CC2D1A: variants seen among roughly 807,000 people sequenced by gnomAD.
CC2D1A encodes the protein coiled-coil and C2 domain-containing protein 1A.
Under a neutral mutation model 123.8 loss-of-function variants are expected in CC2D1A, and 68 were observed. The ratio of observed to expected loss-of-function variants is 0.55; its 90% CI spans 0.45 to 0.67. CC2D1A has a LOEUF of 0.67. Ranked by LOEUF, CC2D1A falls within the 30% of genes least tolerant of loss-of-function variation. The probability of loss-of-function intolerance (pLI) is 0.00; values close to 1 mark genes in which losing one functional copy is unlikely to be tolerated. For synonymous variants in CC2D1A, 477 were observed against 528.0 expected, an observed-to-expected ratio of 0.90 and a Z score of 1.32; for missense variants, 1,185 against 1,290.3, an observed-to-expected ratio of 0.92 and a Z score of 1.25.
intron 17 of CC2D1A, 32 bp from the exon 18 acceptor site, chr19:13,926,485 C>T: frequency 6.2e-7 from 1 of 1,603,828 alleles, no homozygotes. Flanking sequence ...TGTTTCCCTG[C>T]CCACCTGCCT....
chr19:13,921,710 G>A (rs1488975877), intron 14 of CC2D1A, among the ~76,000 whole-genome samples: 1 of 152,148 alleles, frequency 6.6e-6, no homozygotes. Context: ...GTCTTTGCTG[G>A]ACACTGGAGA....
Position 13,930,757 on chromosome 19 carries a change from C to T in CC2D1A, c.*362C>T, listed in dbSNP as rs1184494192. 3 of 343,816 alleles carry T rather than the reference C, an allele frequency of 8.7e-6. No homozygotes were observed. The highest frequency in any genetic ancestry group is 1.1e-5 in the Non-Finnish European group (2 of 188,284). The allele number at this position is 343,816 out of a possible 1,614,324, so 21.3% of individuals were successfully genotyped here. On this transcript the variant is annotated 3_prime_UTR_variant, in exon 29 of 29. Transcript: ENST00000318003. This position sits in a 1 kb window ranked among gnomAD's most constrained non-coding sequence, Gnocchi z 6.8. ...CCTCCCCAGCCTTAACCCCAAAGCC[C>T]TCCTGCACCCCAAAGAAGCCACTGA...
chr19:13,920,854 C>T lies in CC2D1A; in HGVS notation c.1573C>T (p.Arg525Cys), dbSNP rs372880706. The T allele has an allele frequency of 1.9e-5, 31 of 1,614,014 alleles. No homozygotes were observed. The highest frequency in any genetic ancestry group is 8.3e-5 in the Admixed American group (5 of 59,996). The stretch of plus-strand genomic sequence containing the variant: ...CGTGGAGGGTGCCAAGATGCACCTG[C>T]GCCAAGCCAAGGGACTGGAGCCTAT... ...NDVEGAKMHLRQAKGLEPMLE... is the reference protein window; with the variant it reads ...NDVEGAKMHLCQAKGLEPMLE... The change falls in exon 14 of 29, where the codon CGC becomes TGC. Residue 525 changes from arginine (R) to cysteine (C), a missense_variant. Coordinates refer to ENST00000318003, the MANE Select transcript of CC2D1A (RefSeq NM_017721.5).
In CC2D1A at chr19:13,913,632, C is replaced by G. The variant is rs764603561; in HGVS notation, c.742C>G (p.Pro248Ala). The change falls in exon 6 of 29, where the codon CCC becomes GCC. Residue 248 changes from proline (P) to alanine (A), a missense_variant. Transcript: ENST00000318003. ...SSPGLAKPQM[P>A]PGPCSPGPLA... Reference sequence around the variant, plus strand: ...TCCAGGCTTGGCTAAGCCCCAGATGCCCCCAGGTAGGTGATGGGCAGGGCC... The same window carrying G: ...TCCAGGCTTGGCTAAGCCCCAGATGGCCCCAGGTAGGTGATGGGCAGGGCC... 1 of 1,601,970 alleles carries G rather than the reference C, an allele frequency of 6.2e-7. No homozygotes were observed. The highest frequency in any genetic ancestry group is 8.5e-7 in the Non-Finnish European group (1 of 1,172,756).
chr19:13,928,812 G>T (rs567193855), intron 24 of CC2D1A, among the ~76,000 whole-genome samples: 4 of 149,598 alleles, frequency 2.7e-5, no homozygotes, highest in Non-Finnish European at 4.4e-5. Flanking sequence ...GGGTTCAAGC[G>T]ATTCTCCTGC....
In CC2D1A at chr19:13,918,630, T is replaced by A. The variant is rs915049706; in HGVS notation, c.946+54T>A. The A allele has an allele frequency of 3.1e-6, 5 of 1,594,238 alleles. No individual in the cohort carries two copies. The African/African-American group carries it at 6.7e-5, about 21-fold the overall frequency. On this transcript the variant is annotated intron_variant, in intron 8 of 28. Transcript: ENST00000318003. ...GGATGGTTTCAGGCATACACTAAGT[T>A]CTCCTTGATGCTGCCACCCCTGTTG...
At chr19:13,922,434 C>T (rs1316378486) in intron 14 of CC2D1A, among the ~76,000 whole-genome samples, 3 of 152,210 alleles carry the variant, frequency 2.0e-5, no homozygotes, top group Non-Finnish European at 4.4e-5. Context: ...TTCCCACAGA[C>T]ACCTGTGTGG....
chr19:13,928,053 A>G (rs775800715), intron 23 of CC2D1A, 23 bp downstream of exon 23: 2 of 1,092,634 alleles, frequency 1.8e-6, no homozygotes, highest in South Asian at 2.8e-5. Flanking sequence ...ACCCCCACCC[A>G]TCAGCAACCC....
At position 13,920,783 on chromosome 19, in the gene CC2D1A, A is replaced by C; in HGVS notation, c.1502A>C (p.Lys501Thr). ...CAGCTGGCCTTCCTAGAGGGCCGCA[A>C]GAAGCAGCTCCTGCAGGCCGCACTG... is the stretch of plus-strand genomic sequence containing the variant. The part of the protein sequence containing the change: ...QQQLAFLEGR[K>T]KQLLQAALRA... The change falls in exon 14 of 29, where the codon AAG (lysine) becomes ACG (threonine). Residue 501 changes from lysine to threonine, a missense_variant. By Grantham distance (78) the Lys-to-Thr change is moderately conservative. Transcript: ENST00000318003. 1 of 1,613,990 alleles carries C rather than the reference A, an allele frequency of 6.2e-7. No individual in the cohort carries two copies. Among genetic ancestry groups the C allele is most frequent in the Non-Finnish European group, 8.5e-7 (1 of 1,179,896 alleles).
chr19:13,930,203 G>A lies in CC2D1A; in HGVS notation c.2788-39G>A. ...GGCACTGGGCAGCGGGCAGGGTGGGGCCTGCAGGGACTACCTGCTGAATGC... is the reference window on the plus strand; with the variant it reads ...GGCACTGGGCAGCGGGCAGGGTGGGACCTGCAGGGACTACCTGCTGAATGC... On this transcript the variant is annotated intron_variant, in intron 27 of 28. Transcript: ENST00000318003. The surrounding 1 kb of genome is among the most constrained non-coding windows in gnomAD (Gnocchi z 6.8). 1 of 1,613,214 alleles carries A rather than the reference G, an allele frequency of 6.2e-7. No individual in the cohort carries two copies. The highest frequency in any genetic ancestry group is 1.7e-4 in the Middle Eastern group (1 of 6,052).
intron 17 of CC2D1A, among the ~76,000 whole-genome samples, chr19:13,924,730 G>A (rs547766657): frequency 3.9e-5 from 6 of 152,100 alleles, no homozygotes; most frequent in Non-Finnish European, 7.4e-5. Context: ...AAATTCTGGG[G>A]TTACAGGAGT....
At chr19:13,916,813 C>T (rs1465164549) in intron 6 of CC2D1A, among the ~76,000 whole-genome samples, 1 of 152,110 alleles carries the variant, frequency 6.6e-6, no homozygotes, top group Non-Finnish European at 1.5e-5. Flanking sequence ...TACTGCGTGC[C>T]ATTTTCTGGG....
At position 13,909,967 on chromosome 19, in the gene CC2D1A, G is replaced by T. The variant is rs1970940237; in HGVS notation, c.196+9G>T. 2 of 1,508,658 alleles carry T rather than the reference G, an allele frequency of 1.3e-6. No homozygotes were observed. The highest frequency in any genetic ancestry group is 1.4e-5 in the African/African-American group (1 of 71,624). 93.5% of individuals were successfully genotyped at this position (1,508,658 alleles called of 1,614,324 possible). A position where few individuals can be genotyped will look rare whatever the true frequency, so the allele number is the denominator to read the frequency against. ...GAAGCTCAAAGGCAAAGGTGAGATG[G>T]TTAACACACCCTCAGAACATTTTCT... is the stretch of plus-strand genomic sequence containing the variant. On this transcript the variant is annotated intron_variant, in intron 2 of 28. Transcript: ENST00000318003.
intron 6 of CC2D1A, among the ~76,000 whole-genome samples, chr19:13,917,314 A>C (rs894255866): frequency 6.6e-6 from 1 of 152,170 alleles, no homozygotes; most frequent in Non-Finnish European, 1.5e-5. Flanking sequence ...TACAAAAAAA[A>C]ATAAAAAACC....
At chr19:13,910,760 A>G (rs1215285762) in intron 2 of CC2D1A, among the ~76,000 whole-genome samples, 1 of 152,030 alleles carries the variant, frequency 6.6e-6, no homozygotes, top group Non-Finnish European at 1.5e-5. Context: ...AAAATACAAA[A>G]ATTAGCCAAG....
At position 13,930,478 on chromosome 19, in the gene CC2D1A, AAGCAGACAATC is replaced by A; in HGVS notation, c.*87_*97del. ...GAGCCGACACAGCCACGAACCAGACAAGCAGACAATCAGCGGACAATCGGTTCTGGACTCAC... is the reference window on the plus strand; with the variant it reads ...GAGCCGACACAGCCACGAACCAGACAAGCGGACAATCGGTTCTGGACTCAC... On this transcript the variant is annotated 3_prime_UTR_variant, in exon 29 of 29. Coordinates refer to ENST00000318003, the MANE Select transcript of CC2D1A (RefSeq NM_017721.5). The surrounding 1 kb of genome is among the most constrained non-coding windows in gnomAD (Gnocchi z 6.8). The A allele has an allele frequency of 7.0e-7, 1 of 1,432,282 alleles. No homozygotes were observed. Among genetic ancestry groups the A allele is most frequent in the Non-Finnish European group, 9.3e-7 (1 of 1,070,884 alleles). The allele number at this position is 1,432,282 out of a possible 1,614,324, so 88.7% of individuals were successfully genotyped here.
intron 2 of CC2D1A, among the ~76,000 whole-genome samples, chr19:13,910,285 G>A (rs1026116681): frequency 2.6e-5 from 4 of 151,280 alleles, no homozygotes; most frequent in African/African-American, 4.9e-5. Context: ...GCGGGCGCCT[G>A]TAGTCCCAGC....
Position 13,912,339 on chromosome 19 carries a change from G to C in CC2D1A, c.213G>C (p.Glu71Asp). 3.1e-6 allele frequency: 5 copies of C among 1,608,484 alleles called. No individual in the cohort carries two copies. The highest frequency in any genetic ancestry group is 4.2e-6 in the Non-Finnish European group (5 of 1,177,590). ...TACCGCCAGGTCCCTTGCCGATGGA[G>C]GCCATTGAGAAGATGGCCAGCCTGT... ...KLKGKGPLPM[E>D]AIEKMASLCM... Residue 71 changes from glutamate (E) to aspartate (D), a missense_variant, in exon 3 of 29, where the codon GAG (glutamate) becomes GAC (aspartate). Coordinates refer to ENST00000318003, the MANE Select transcript of CC2D1A (RefSeq NM_017721.5).
Position 13,913,561 on chromosome 19 carries a change from C to G in CC2D1A, c.671C>G (p.Pro224Arg). 1.2e-6 allele frequency: 2 copies of G among 1,614,104 alleles called. No homozygotes were observed. The highest frequency in any genetic ancestry group is 1.7e-6 in the Non-Finnish European group (2 of 1,180,026). The change falls in exon 6 of 29, where the codon CCC becomes CGC. Residue 224 changes from proline to arginine, a missense_variant. Physicochemically the swap from Pro to Arg is moderately radical, Grantham distance 103 (BLOSUM62 -2). Coordinates refer to ENST00000318003, the MANE Select transcript of CC2D1A (RefSeq NM_017721.5). ...PAPRIASAPE[P>R]RVTLEGPSAT... ...CCTAGAATCGCGTCAGCCCCAGAGC[C>G]CAGGGTCACCCTGGAGGGACCTTCT...
Sources: allele counts gnomAD v4.1 joint callset (sites outside exome capture counted in the v4.1 genomes callset), GRCh38; gene constraint gnomAD v4.1.1; non-coding constraint Gnocchi (gnomAD v3.1); transcripts MANE v1.5; gene names NCBI Gene and HGNC (gene_info 2026-07-23, HGNC 2026-07-21).